Variants in LHPP observed in about 807,000 individuals in gnomAD.
The protein encoded by LHPP is phospholysine phosphohistidine inorganic pyrophosphate phosphatase, also known as hLHPP.
A neutral mutation model predicts 30.3 loss-of-function variants in LHPP; 24 were observed. That is an observed-to-expected ratio of 0.79 (90% CI 0.57 to 1.11). The LOEUF is 1.11. Ranked by LOEUF, LHPP falls within the 50% of genes most tolerant of loss-of-function variation. The pLI, the probability that LHPP is intolerant of heterozygous loss-of-function variation, is 0.00. For synonymous variants in LHPP, 150 were observed against 157.1 expected, an observed-to-expected ratio of 0.95 and a Z score of 0.34; for missense variants, 356 against 367.2, an observed-to-expected ratio of 0.97 and a Z score of 0.25.
chr10:124,564,434 T>A (rs1225347662), intron 6 of LHPP, among the ~76,000 whole-genome samples: 1 of 151,632 alleles, frequency 6.6e-6, no homozygotes, highest in Non-Finnish European at 1.5e-5. Context: ...ATTTTTTTTT[T>A]TATAGAGACG....
chr10:124,510,847 G>A lies in LHPP; in HGVS notation c.625-6333G>A, dbSNP rs887074533. ...GTTTGAAGACAATTCCTTGAGAAGGGCAGAGGGGACCCGAATACGGGGGCT... is the reference window on the plus strand; with the variant it reads ...GTTTGAAGACAATTCCTTGAGAAGGACAGAGGGGACCCGAATACGGGGGCT... On this transcript the variant is annotated intron_variant, in intron 5 of 6. Transcript: ENST00000368842. This position sits in a 1 kb window ranked among gnomAD's most constrained non-coding sequence, Gnocchi z 4.0. 3.3e-5 allele frequency among the ~76,000 whole-genome samples: 5 copies of A among 152,332 alleles called. No homozygotes were observed. In the South Asian group the frequency reaches 6.2e-4, roughly 19 times the overall value.
intron 6 of LHPP, among the ~76,000 whole-genome samples, chr10:124,559,358 T>C (rs1179120180): frequency 1.3e-5 from 2 of 152,262 alleles, no homozygotes; most frequent in African/African-American, 2.4e-5. Context: ...GACCATCTGC[T>C]GGTGGAACAT....
intron 6 of LHPP, among the ~76,000 whole-genome samples, chr10:124,579,579 G>T (rs1406492662): frequency 6.6e-6 from 1 of 152,148 alleles, no homozygotes; most frequent in Non-Finnish European, 1.5e-5. Flanking sequence ...CTCTGGATGT[G>T]TCTCCTTGTG....
At chr10:124,493,937 G>GT (rs1430449766) in intron 3 of LHPP, 1 of 152,032 alleles carries the variant, frequency 6.6e-6, no homozygotes, top group Non-Finnish European at 1.5e-5. Context: ...ATGCCTTTTT[G>GT]TTTTTCTGAA....
chr10:124,516,467 C>T (rs1413582984), intron 5 of LHPP, among the ~76,000 whole-genome samples: 1 of 152,240 alleles, frequency 6.6e-6, no homozygotes, highest in African/African-American at 2.4e-5. Context: ...CCTGTGTCCA[C>T]AGTCTGGAAG....
At chr10:124,485,149 G>A (rs1047321533) in intron 2 of LHPP, among the ~76,000 whole-genome samples, 1 of 152,066 alleles carries the variant, frequency 6.6e-6, no homozygotes, top group Non-Finnish European at 1.5e-5. Context: ...CGACTTCATA[G>A]CCCTGGTGCC....
At position 124,562,355 on chromosome 10, in the gene LHPP, A is replaced by G. The variant is rs1224856848; in HGVS notation, c.716+45084A>G. On this transcript the variant is annotated intron_variant, in intron 6 of 6. Coordinates refer to ENST00000368842, the MANE Select transcript of LHPP (RefSeq NM_022126.4). Reference sequence around the variant, plus strand: ...TAAATAGAAGATACAATGAAGAGCCAAATGAAAATTTTAGAACTGAAAAAT... The same window carrying G: ...TAAATAGAAGATACAATGAAGAGCCGAATGAAAATTTTAGAACTGAAAAAT... Among the ~76,000 whole-genome samples the G allele has an allele frequency of 2.6e-5, 4 of 152,222 alleles. No homozygotes were observed. The East Asian group carries it at 5.8e-4, about 22-fold the overall frequency.
chr10:124,529,469 C>A (rs1174887431), intron 6 of LHPP, among the ~76,000 whole-genome samples: 1 of 152,144 alleles, frequency 6.6e-6, no homozygotes, highest in East Asian at 1.9e-4. Flanking sequence ...GAAAATAGGC[C>A]TCCTGGTGAG....
chr10:124,543,576 CGTG>C (rs1451003035), intron 6 of LHPP, among the ~76,000 whole-genome samples: 1 of 143,150 alleles, frequency 7.0e-6, no homozygotes, highest in African/African-American at 3.0e-5. Flanking sequence ...GGCCACTAGC[CGTG>C]AGGAGTTCAG....
intron 2 of LHPP, among the ~76,000 whole-genome samples, chr10:124,484,912 T>C (rs4427525): frequency 0.15 from 22,844 of 152,108 alleles, 1,904 homozygotes; most frequent in African/African-American, 0.21. Context: ...TTTCTTGGAA[T>C]GAAGCAGAAG....
chr10:124,501,321 G>A (rs2133881254), intron 5 of LHPP, among the ~76,000 whole-genome samples: 1 of 151,900 alleles, frequency 6.6e-6, no homozygotes, highest in Admixed American at 6.5e-5. Flanking sequence ...CTGGAACTGG[G>A]CCGGGCACAG....
chr10:124,512,953 C>T (rs1954344446), intron 5 of LHPP, among the ~76,000 whole-genome samples: 2 of 152,228 alleles, frequency 1.3e-5, no homozygotes. Flanking sequence ...GACACACACT[C>T]AGTAAGACTC....
intron 1 of LHPP, among the ~76,000 whole-genome samples, chr10:124,481,399 CAG>C (rs1194370596): frequency 2.7e-5 from 3 of 112,470 alleles, no homozygotes; most frequent in Admixed American, 1.1e-4. Context: ...TTTTTTGCGA[CAG>C]AGTCTCACTG....
chr10:124,480,290 G>A (rs562115349), intron 1 of LHPP, among the ~76,000 whole-genome samples: 2 of 152,186 alleles, frequency 1.3e-5, no homozygotes, highest in Admixed American at 6.5e-5. Context: ...GATTTTTCAG[G>A]GATAGATTTC....
chr10:124,534,758 G>A (rs747948648), intron 6 of LHPP, among the ~76,000 whole-genome samples: 10 of 152,190 alleles, frequency 6.6e-5, no homozygotes, highest in Admixed American at 2.0e-4. Flanking sequence ...GGCGAGGGGG[G>A]TGCTCCCCAG....
rs969385585 is a variant in LHPP, at chr10:124,553,883, G to C, written c.716+36612G>C. 4 of 985,316 alleles carry C rather than the reference G, an allele frequency of 4.1e-6. No individual in the cohort carries two copies. The African/African-American group carries it at 7.0e-5, about 17-fold the overall frequency. The allele number at this position is 985,316 out of a possible 1,614,324, so 61.0% of individuals were successfully genotyped here. ...AGGAGGTAAGGGGCCCACCACATCTGTCTTACCACAGGCTAAGCTGTTGGC... is the reference window on the plus strand; with the variant it reads ...AGGAGGTAAGGGGCCCACCACATCTCTCTTACCACAGGCTAAGCTGTTGGC... On this transcript the variant is annotated intron_variant, in intron 6 of 6. Coordinates refer to ENST00000368842, the MANE Select transcript of LHPP (RefSeq NM_022126.4).
At chr10:124,613,078 G>C (rs1309071512) in intron 6 of LHPP, 186 bp from the exon 7 acceptor site, 2 of 619,982 alleles carry the variant, frequency 3.2e-6, no homozygotes, top group Non-Finnish European at 5.8e-6. Flanking sequence ...GTCAGGAGGG[G>C]CCATGTGTGC....
In LHPP at chr10:124,513,462, CTTTT is replaced by C. The variant is rs34225779; in HGVS notation, c.625-3701_625-3698del. 5.6e-3 allele frequency among the ~76,000 whole-genome samples: 516 copies of C among 92,220 alleles called. 13 individuals carry two copies. Among genetic ancestry groups the C allele is most frequent in the African/African-American group, 0.022 (480 of 21,400 alleles). The allele number at this position is 92,220 out of a possible 152,430, so 60.5% of individuals were successfully genotyped here. ...TTTTTTTTCTTTAAAATTATTATTA[CTTTT>C]TTTTTTTTTTTTTTTTGAGACCGAG... On this transcript the variant is annotated intron_variant, in intron 5 of 6. Coordinates refer to ENST00000368842, the MANE Select transcript of LHPP (RefSeq NM_022126.4).
intron 6 of LHPP, among the ~76,000 whole-genome samples, chr10:124,569,358 T>A (rs1347272438): frequency 6.6e-6 from 1 of 152,186 alleles, no homozygotes; most frequent in Non-Finnish European, 1.5e-5. Flanking sequence ...TCGGGCTGTG[T>A]CGCACAGTGG....
Sources: allele counts gnomAD v4.1 joint callset (sites outside exome capture counted in the v4.1 genomes callset), GRCh38; gene constraint gnomAD v4.1.1; non-coding constraint Gnocchi (gnomAD v3.1); transcripts MANE v1.5; gene names NCBI Gene and HGNC (gene_info 2026-07-23, HGNC 2026-07-21).